Variants in ATRNL1 observed in about 807,000 individuals in gnomAD.
ATRNL1 encodes the protein attractin like 1.
In ATRNL1, 95 loss-of-function variants were observed where a neutral mutation model predicts 182.7. That is an observed-to-expected ratio of 0.52 (90% CI 0.44 to 0.62). The LOEUF is 0.62. ATRNL1 is among the 20% of genes least tolerant of loss of function. The pLI, the probability that ATRNL1 is intolerant of heterozygous loss-of-function variation, is 0.00. For synonymous variants in ATRNL1, 576 were observed against 568.3 expected (o/e 1.01, Z -0.19); for missense variants, 1,471 against 1,679.5 (o/e 0.88, Z 2.17).
At chr10:115,722,449 C>G (rs947210553) in intron 26 of ATRNL1, among the ~76,000 whole-genome samples, 3 of 152,118 alleles carry the variant, frequency 2.0e-5, no homozygotes, top group Non-Finnish European at 2.9e-5. Context: ...TGGTAGAAAA[C>G]CATGCTTTCC....
rs1451658083 is a variant in ATRNL1 at position 115,889,248 on chromosome 10, T to A, written c.4018+41257T>A. On this transcript the variant is annotated intron_variant, in intron 28 of 28. Coordinates refer to ENST00000355044, the MANE Select transcript of ATRNL1 (RefSeq NM_207303.4). The stretch of plus-strand genomic sequence containing the variant: ...CTCTCTTAGTCCATTACTATTTGTT[T>A]CAGCTACTTACACACTTTTGGGCAG... Among the ~76,000 whole-genome samples the A allele has an allele frequency of 3.3e-5, 5 of 152,196 alleles. 1 individual carries two copies. The highest frequency in any genetic ancestry group is 3.3e-4 in the Admixed American group (5 of 15,276).
chr10:115,579,664 A>T (rs117790859), intron 26 of ATRNL1, among the ~76,000 whole-genome samples: 3 of 151,948 alleles, frequency 2.0e-5, no homozygotes, highest in Non-Finnish European at 1.5e-5. Flanking sequence ...TTGGATTTTT[A>T]AAATTCATTT....
At chr10:115,503,152 A>G (rs1191112922) in intron 24 of ATRNL1, among the ~76,000 whole-genome samples, 1 of 152,204 alleles carries the variant, frequency 6.6e-6, no homozygotes, top group Admixed American at 6.5e-5. Flanking sequence ...AAGCACATGA[A>G]GAAGGATACA....
At chr10:115,542,886 G>A (rs1852440138) in intron 25 of ATRNL1, among the ~76,000 whole-genome samples, 1 of 152,158 alleles carries the variant, frequency 6.6e-6, no homozygotes, top group South Asian at 2.1e-4. Context: ...ATGCATGCAG[G>A]AAGAGAGGGA....
chr10:115,387,665 C>T (rs1406240188), intron 19 of ATRNL1, among the ~76,000 whole-genome samples: 3 of 152,174 alleles, frequency 2.0e-5, no homozygotes, highest in African/African-American at 7.2e-5. Context: ...TTATAAATAG[C>T]TCCTATAAAT....
At chr10:115,493,229 G>A (rs532331829) in intron 24 of ATRNL1, among the ~76,000 whole-genome samples, 1 of 152,188 alleles carries the variant, frequency 6.6e-6, no homozygotes, top group South Asian at 2.1e-4. Context: ...AATGAGCATA[G>A]TACACAATAG....
chr10:115,581,887 CT>C (rs1472384459), intron 26 of ATRNL1, among the ~76,000 whole-genome samples: 1 of 115,964 alleles, frequency 8.6e-6, no homozygotes, highest in Non-Finnish European at 1.7e-5. Flanking sequence ...ATTGCTATCC[CT>C]CCCCCCTCCC....
chr10:115,417,285 A>G (rs1269798582), intron 20 of ATRNL1, among the ~76,000 whole-genome samples: 1 of 152,112 alleles, frequency 6.6e-6, no homozygotes, highest in African/African-American at 2.4e-5. Flanking sequence ...GTGAACCTAG[A>G]AGTAGTCCTG....
rs782238582 is a variant in ATRNL1, at chr10:115,469,346, T to C, written c.3654+17T>C. ...AAAATACAGGTAAGTGTTAAGAGTA[T>C]TTACTTCTAATGACCATAATATCAT... On this transcript the variant is annotated intron_variant, in intron 24 of 28. Transcript: ENST00000355044. The C allele has an allele frequency of 3.4e-6, 5 of 1,471,468 alleles. No homozygotes were observed. The East Asian group carries it at 1.3e-4, about 39-fold the overall frequency. 91.2% of individuals were successfully genotyped at this position (1,471,468 alleles called of 1,614,324 possible).
chr10:115,824,465 G>A (rs2907564), intron 27 of ATRNL1, among the ~76,000 whole-genome samples: 151,221 of 152,270 alleles, frequency 0.99, 75,097 homozygotes, highest in Middle Eastern at 1. Context: ...GCACAGCAAA[G>A]GAAACTATCA....
intron 28 of ATRNL1, among the ~76,000 whole-genome samples, chr10:115,870,547 C>G (rs1221175129): frequency 6.6e-6 from 1 of 152,210 alleles, no homozygotes; most frequent in Non-Finnish European, 1.5e-5. Flanking sequence ...TCCTGAAGGA[C>G]TAACCCCTGA....
At chr10:115,883,975 T>C (rs1413950001) in intron 28 of ATRNL1, among the ~76,000 whole-genome samples, 1 of 152,222 alleles carries the variant, frequency 6.6e-6, no homozygotes, top group Non-Finnish European at 1.5e-5. Flanking sequence ...CAGAACCTAA[T>C]GATTGATTCA....
chr10:115,555,978 A>C (rs1190374703), intron 26 of ATRNL1, among the ~76,000 whole-genome samples: 1 of 152,038 alleles, frequency 6.6e-6, no homozygotes, highest in East Asian at 1.9e-4. Context: ...CAATGCTCAA[A>C]GCTTACAACT....
At chr10:115,569,823 A>G (rs978947826) in intron 26 of ATRNL1, among the ~76,000 whole-genome samples, 1 of 152,172 alleles carries the variant, frequency 6.6e-6, no homozygotes, top group Non-Finnish European at 1.5e-5. Flanking sequence ...AGCTGCTGTA[A>G]CAAAATACCA....
chr10:115,407,513 T>C (rs1317138434), intron 20 of ATRNL1, among the ~76,000 whole-genome samples: 4 of 152,174 alleles, frequency 2.6e-5, no homozygotes, highest in Non-Finnish European at 4.4e-5. Context: ...CTTATTTCAC[T>C]TCATGTAATG....
intron 20 of ATRNL1, among the ~76,000 whole-genome samples, chr10:115,421,234 T>A (rs1845638365): frequency 6.6e-6 from 1 of 151,880 alleles, no homozygotes; most frequent in South Asian, 2.1e-4. Context: ...CAGACAAAGA[T>A]AAAAGTATAA....
intron 17 of ATRNL1, among the ~76,000 whole-genome samples, chr10:115,310,454 C>T (rs1338573761): frequency 1.3e-5 from 2 of 151,834 alleles, no homozygotes; most frequent in African/African-American, 4.8e-5. Flanking sequence ...GCTGTGAATC[C>T]CCTGGCCCTT....
At chr10:115,623,562 T>G (rs1171285612) in intron 26 of ATRNL1, among the ~76,000 whole-genome samples, 1 of 152,140 alleles carries the variant, frequency 6.6e-6, no homozygotes, top group Non-Finnish European at 1.5e-5. Context: ...TAATGAGCTA[T>G]GTATCTCATG....
chr10:115,679,491 C>T (rs570078402), intron 26 of ATRNL1, among the ~76,000 whole-genome samples: 23 of 152,050 alleles, frequency 1.5e-4, no homozygotes, highest in Admixed American at 5.9e-4. Flanking sequence ...GCTTTCTCTC[C>T]GCATACTTCA....
Sources: gnomAD v4.1 joint callset for allele counts (sites outside exome capture counted in the v4.1 genomes callset) on GRCh38, gnomAD v4.1.1 for gene constraint, MANE v1.5 for transcripts, NCBI Gene and HGNC (gene_info 2026-07-23, HGNC 2026-07-21) for gene names.